CDC20B: variants seen among roughly 807,000 people sequenced by gnomAD.
CDC20B encodes the protein cell division cycle protein 20 homolog B.
A neutral mutation model predicts 64.1 loss-of-function variants in CDC20B; 58 were observed. The observed-to-expected ratio is 0.90, with a 90% CI of 0.73 to 1.13. The LOEUF (loss-of-function observed/expected upper bound fraction) is 1.13. CDC20B is among the 50% of genes most tolerant of loss of function. The pLI is 0.00. For synonymous variants in CDC20B, 243 were observed against 230.6 expected, an observed-to-expected ratio of 1.05 and a Z score of -0.49; for missense variants, 597 against 633.0, an observed-to-expected ratio of 0.94 and a Z score of 0.61.
intron 11 of CDC20B, among the ~76,000 whole-genome samples, chr5:55,116,284 T>C (rs1742625335): frequency 6.6e-6 from 1 of 152,218 alleles, no homozygotes; most frequent in African/African-American, 2.4e-5. Flanking sequence ...ACGCCTGCAG[T>C]CCCAGCTACT....
intron 9 of CDC20B, among the ~76,000 whole-genome samples, chr5:55,121,545 C>T (rs1315918615): frequency 6.6e-6 from 1 of 151,878 alleles, no homozygotes; most frequent in Non-Finnish European, 1.5e-5. Flanking sequence ...GTTTTATTTG[C>T]TGTTTGCTCT....
chr5:55,154,703 T>G (rs985285754), intron 2 of CDC20B, among the ~76,000 whole-genome samples: 1 of 152,126 alleles, frequency 6.6e-6, no homozygotes, highest in Non-Finnish European at 1.5e-5. Context: ...AAAGTAAAAT[T>G]CTCTCAGTCC....
At chr5:55,172,199 GGTTT>G (rs1343088201) in intron 2 of CDC20B, 4 of 195,268 alleles carry the variant, frequency 2.0e-5, no homozygotes, top group Non-Finnish European at 4.2e-5. Flanking sequence ...TAAGAACCAT[GGTTT>G]ATGCCACTTC....
intron 6 of CDC20B, among the ~76,000 whole-genome samples, chr5:55,131,620 A>C (rs760930685): frequency 1.4e-4 from 21 of 152,180 alleles, no homozygotes; most frequent in Non-Finnish European, 1.5e-4. Context: ...AACAATGAGG[A>C]GTTCTTTGGT....
At chr5:55,120,609 ATG>A in intron 9 of CDC20B, 59 bp from the exon 10 acceptor site, 1 of 1,595,630 alleles carries the variant, frequency 6.3e-7, no homozygotes, top group Non-Finnish European at 8.6e-7. Context: ...GCACTCATGA[ATG>A]TGATGCACTT....
At chr5:55,145,280 T>C (rs140422306) in intron 3 of CDC20B, among the ~76,000 whole-genome samples, 75 of 152,366 alleles carry the variant, frequency 4.9e-4, no homozygotes, top group Admixed American at 1.3e-3. Context: ...TTAAAGCCTG[T>C]CGTTACATGG....
intron 3 of CDC20B, among the ~76,000 whole-genome samples, chr5:55,146,091 A>G (rs1309472614): frequency 6.6e-6 from 1 of 152,158 alleles, no homozygotes; most frequent in Non-Finnish European, 1.5e-5. Flanking sequence ...TATTAAAATT[A>G]AGCTAAATTT....
chr5:55,128,393 G>C, intron 7 of CDC20B, 28 bp downstream of exon 7: 1 of 1,545,726 alleles, frequency 6.5e-7, no homozygotes, highest in Non-Finnish European at 8.7e-7. Flanking sequence ...CAGAGAACAT[G>C]ATGAGAAAAA....
intron 2 of CDC20B, among the ~76,000 whole-genome samples, chr5:55,153,739 T>C (rs996108301): frequency 6.6e-6 from 1 of 152,228 alleles, no homozygotes; most frequent in Non-Finnish European, 1.5e-5. Flanking sequence ...AAGGACAGAA[T>C]AGAATTCAGA....
At chr5:55,136,647 T>C (rs1356928243) in intron 5 of CDC20B, 1 of 152,174 alleles carries the variant, frequency 6.6e-6, no homozygotes, top group East Asian at 1.9e-4. Context: ...ACATTTATTT[T>C]TGAGACCTTG....
rs370900103 is a variant in CDC20B at position 55,138,732 on chromosome 5, T to TAA, written c.580+1580_580+1581dup. On this transcript the variant is annotated intron_variant, in intron 5 of 11. Transcript: ENST00000381375. ...TCCATGAAGCATGAACAGGATGCTG[T>TAA]AAAAAAAAAAAAAGGAACAGAGTAC... 8.2e-4 allele frequency among the ~76,000 whole-genome samples: 111 copies of TAA among 135,986 alleles called. No homozygotes were observed. The East Asian group carries it at 0.011, about 13-fold the overall frequency. The allele number at this position is 135,986 out of a possible 152,430, so 89.2% of individuals were successfully genotyped here. A position where few individuals can be genotyped will look rare whatever the true frequency, so the allele number is the denominator to read the frequency against.
intron 9 of CDC20B, among the ~76,000 whole-genome samples, chr5:55,123,267 C>T (rs186928634): frequency 6.6e-6 from 1 of 152,252 alleles, no homozygotes; most frequent in East Asian, 1.9e-4. Context: ...CCATTCTCCA[C>T]CTCTGATTAG....
At chr5:55,144,483 C>T (rs1743418437) in intron 3 of CDC20B, among the ~76,000 whole-genome samples, 2 of 152,142 alleles carry the variant, frequency 1.3e-5, no homozygotes, top group Admixed American at 1.3e-4. Flanking sequence ...TTTGGACAAC[C>T]ATGAGCTTGA....
In CDC20B at chr5:55,137,565, G is replaced by C. The variant is rs336081; in HGVS notation, c.580+2749C>G. 3.5e-5 allele frequency: 16 copies of C among 456,476 alleles called. No individual in the cohort carries two copies. The East Asian group carries it at 1.1e-3, about 32-fold the overall frequency. 28.3% of individuals were successfully genotyped at this position (456,476 alleles called of 1,614,324 possible). A position where few individuals can be genotyped will look rare whatever the true frequency, so the allele number is the denominator to read the frequency against. On this transcript the variant is annotated intron_variant, in intron 5 of 11. Coordinates refer to ENST00000381375, the MANE Select transcript of CDC20B (RefSeq NM_001170402.1). ...AGAGCCTTGCATAGAGTATTCAGAG[G>C]GCCTCTCAATTAGTCTTTGCCACCA...
chr5:55,136,961 G>A (rs1311892233), intron 5 of CDC20B: 3 of 152,488 alleles, frequency 2.0e-5, no homozygotes, highest in Non-Finnish European at 4.4e-5. Context: ...GCTGAGGCGG[G>A]TGGAGCATCT....
chr5:55,149,997 G>A (rs1255075560), intron 2 of CDC20B, among the ~76,000 whole-genome samples: 2 of 152,014 alleles, frequency 1.3e-5, no homozygotes, highest in African/African-American at 4.8e-5. Flanking sequence ...AGCCAGCCGT[G>A]GTGGCATGTG....
At chr5:55,170,658 C>A (rs377067494) in intron 2 of CDC20B, 2 of 534,626 alleles carry the variant, frequency 3.7e-6, no homozygotes, top group Admixed American at 1.9e-5. Context: ...AAGAATTTAT[C>A]CAGAAGCAAG....
intron 9 of CDC20B, among the ~76,000 whole-genome samples, chr5:55,121,182 G>C (rs553465687): frequency 1.3e-5 from 2 of 152,082 alleles, no homozygotes; most frequent in South Asian, 4.2e-4. Context: ...AAATACTACA[G>C]TTATATGTAT....
chr5:55,140,508 G>A, intron 4 of CDC20B, 101 bp from the exon 5 acceptor site: 1 of 678,274 alleles, frequency 1.5e-6, no homozygotes, highest in African/African-American at 1.9e-5. Context: ...ATTCACTAAG[G>A]AGTTCAAAGA....
Sources: allele counts gnomAD v4.1 joint callset (sites outside exome capture counted in the v4.1 genomes callset), GRCh38; gene constraint gnomAD v4.1.1; transcripts MANE v1.5; gene names NCBI Gene and HGNC (gene_info 2026-07-23, HGNC 2026-07-21).